The following SCD5 variants were observed in gnomAD, a reference collection of about 807,000 sequenced individuals.
SCD5 encodes stearoyl-CoA desaturase 5.
SCD5 carries 20 observed loss-of-function variants against 30.4 expected under a neutral mutation model. The observed-to-expected ratio is 0.66, with a 90% CI of 0.46 to 0.96. SCD5 has a LOEUF of 0.96. Among genes scored for constraint, SCD5 ranks in the 40% least tolerant of loss-of-function variants. The probability of loss-of-function intolerance (pLI) is 0.00; values close to 1 mark genes in which losing one functional copy is unlikely to be tolerated. For synonymous variants in SCD5, 173 were observed against 176.4 expected (o/e 0.98, Z 0.16); for missense variants, 381 against 443.3 (o/e 0.86, Z 1.26).
intron 1 of SCD5, among the ~76,000 whole-genome samples, chr4:82,782,460 G>A (rs1428788569): frequency 6.6e-6 from 1 of 152,020 alleles, no homozygotes; most frequent in Non-Finnish European, 1.5e-5. Context: ...TGCTGCCCCT[G>A]ATTTAGTCCT....
At chr4:82,679,238 A>AGAGAG (rs1380307346) in intron 3 of SCD5, among the ~76,000 whole-genome samples, 1 of 89,008 alleles carries the variant, frequency 1.1e-5, no homozygotes. Flanking sequence ...GAAAGAAAGA[A>AGAGAG]AGAAAGAAAG....
intron 2 of SCD5, among the ~76,000 whole-genome samples, chr4:82,684,101 T>C (rs182074513): frequency 1.3e-5 from 2 of 152,278 alleles, no homozygotes; most frequent in Admixed American, 6.5e-5. Context: ...AAAAGACCCA[T>C]CATGATGAAG....
At chr4:82,655,782 T>C (rs1166343621) in intron 3 of SCD5, among the ~76,000 whole-genome samples, 2 of 152,238 alleles carry the variant, frequency 1.3e-5, no homozygotes, top group South Asian at 4.1e-4. Flanking sequence ...TTTTGTAAGA[T>C]AGATATCATC....
intron 3 of SCD5, among the ~76,000 whole-genome samples, chr4:82,643,622 G>A (rs1560522368): frequency 6.6e-6 from 1 of 152,140 alleles, no homozygotes; most frequent in East Asian, 1.9e-4. Context: ...TGATGACAAA[G>A]TTTTCTGTAT....
intron 3 of SCD5, among the ~76,000 whole-genome samples, chr4:82,678,372 A>AT (rs1311227516): frequency 6.6e-6 from 1 of 151,988 alleles, no homozygotes; most frequent in Non-Finnish European, 1.5e-5. Flanking sequence ...AGACTACAAC[A>AT]TTTTTTTATG....
chr4:82,734,667 C>T (rs1720709524), intron 1 of SCD5, among the ~76,000 whole-genome samples: 1 of 152,040 alleles, frequency 6.6e-6, no homozygotes, highest in Non-Finnish European at 1.5e-5. Flanking sequence ...ATTAACTTCT[C>T]ATCCTGCCAT....
intron 3 of SCD5, among the ~76,000 whole-genome samples, chr4:82,665,531 A>G (rs1728167514): frequency 6.6e-6 from 1 of 152,146 alleles, no homozygotes; most frequent in African/African-American, 2.4e-5. Context: ...AAGGCATAAG[A>G]CAAGGTACTG....
intron 3 of SCD5, among the ~76,000 whole-genome samples, chr4:82,639,278 G>A (rs1214702344): frequency 6.6e-6 from 1 of 152,136 alleles, no homozygotes; most frequent in Non-Finnish European, 1.5e-5. Context: ...AGACAACTAA[G>A]GGACTCAGGG....
In SCD5 at chr4:82,798,719, G is replaced by A. The variant is rs1722289528; in HGVS notation, c.-182C>T. ...TTCCCCAGGGTCTTAGCGTGGCCTA[G>A]GGATGCAGATCTTGGCGGCCGGCGT... On this transcript the variant is annotated 5_prime_UTR_variant, in exon 1 of 5. Transcript: ENST00000319540. 1 of 585,568 alleles carries A rather than the reference G, an allele frequency of 1.7e-6. No individual in the cohort carries two copies. Among genetic ancestry groups the A allele is most frequent in the African/African-American group, 2.0e-5 (1 of 50,916 alleles). 36.3% of individuals were successfully genotyped at this position (585,568 alleles called of 1,614,324 possible). A position where few individuals can be genotyped will look rare whatever the true frequency, so the allele number is the denominator to read the frequency against.
chr4:82,643,871 G>A (rs1727590906), intron 3 of SCD5, among the ~76,000 whole-genome samples: 1 of 152,226 alleles, frequency 6.6e-6, no homozygotes, highest in South Asian at 2.1e-4. Flanking sequence ...AGAAGCCTGA[G>A]AAGCAAAGTT....
In SCD5 at chr4:82,654,406, C is replaced by T. The variant is rs552054182; in HGVS notation, c.570-17583G>A. The stretch of plus-strand genomic sequence containing the variant: ...TCACTGGGAATTCATCCCTTTTACT[C>T]TTTGTAATTTTCATATTTTAGACTA... On this transcript the variant is annotated intron_variant, in intron 3 of 4. Coordinates refer to ENST00000319540, the MANE Select transcript of SCD5 (RefSeq NM_001037582.3). Among the ~76,000 whole-genome samples the T allele has an allele frequency of 2.0e-5, 3 of 152,290 alleles. No individual in the cohort carries two copies. The East Asian group carries it at 5.8e-4, about 29-fold the overall frequency.
intron 1 of SCD5, among the ~76,000 whole-genome samples, chr4:82,727,463 G>C (rs1720529417): frequency 6.6e-6 from 1 of 152,124 alleles, no homozygotes; most frequent in African/African-American, 2.4e-5. Flanking sequence ...CAGAGGTTAT[G>C]GTCCATCCAT....
intron 3 of SCD5, chr4:82,660,859 T>C: frequency 6.2e-7 from 1 of 1,613,922 alleles, no homozygotes; most frequent in Non-Finnish European, 8.5e-7. Context: ...CGCTGTTGTA[T>C]ATCTCTCTTC....
intron 1 of SCD5, among the ~76,000 whole-genome samples, chr4:82,751,783 C>G (rs1402453613): frequency 6.6e-6 from 1 of 152,160 alleles, no homozygotes; most frequent in Non-Finnish European, 1.5e-5. Context: ...CGCGCCACTA[C>G]GCCAAGCTGA....
chr4:82,656,190 T>G (rs6811918), intron 3 of SCD5, among the ~76,000 whole-genome samples: 44,207 of 151,918 alleles, frequency 0.29, 6,530 homozygotes, highest in East Asian at 0.37. Context: ...GGTGGTTTGC[T>G]GCACCCATCA....
chr4:82,693,061 G>A (rs933877431), intron 2 of SCD5, among the ~76,000 whole-genome samples: 1 of 152,196 alleles, frequency 6.6e-6, no homozygotes, highest in African/African-American at 2.4e-5. Context: ...CAGACACCCT[G>A]GTTGGATGGG....
chr4:82,738,361 G>A, intron 1 of SCD5, among the ~76,000 whole-genome samples: 1 of 152,208 alleles, frequency 6.6e-6, no homozygotes, highest in Non-Finnish European at 1.5e-5. Flanking sequence ...GGCAGACGTT[G>A]CAGTGAGCCG....
intron 1 of SCD5, among the ~76,000 whole-genome samples, chr4:82,707,935 G>T (rs1197184381): frequency 7.9e-5 from 12 of 152,266 alleles, no homozygotes; most frequent in Non-Finnish European, 1.3e-4. Context: ...ACTAAATTGG[G>T]GGTAATTTGT....
intron 1 of SCD5, among the ~76,000 whole-genome samples, chr4:82,740,308 G>A (rs12640388): frequency 0.15 from 22,061 of 152,090 alleles, 2,838 homozygotes; most frequent in African/African-American, 0.35. Context: ...CCAGCACCTC[G>A]CCTTGCTGTT....
Sources: allele counts gnomAD v4.1 joint callset (sites outside exome capture counted in the v4.1 genomes callset), GRCh38; gene constraint gnomAD v4.1.1; transcripts MANE v1.5; gene names NCBI Gene and HGNC (gene_info 2026-07-23, HGNC 2026-07-21).